Variants in DENND2B observed in about 807,000 individuals in gnomAD.
DENND2B encodes DENN domain containing 2B.
DENND2B carries 32 observed loss-of-function variants against 116.0 expected under a neutral mutation model. That is an observed-to-expected ratio of 0.28 (90% CI 0.21 to 0.37). The LOEUF is 0.37. Among genes scored for constraint, DENND2B ranks in the 10% least tolerant of loss-of-function variants. The probability of loss-of-function intolerance (pLI) is 1.00; values close to 1 mark genes in which losing one functional copy is unlikely to be tolerated. For missense variants in DENND2B, 1,276 were observed against 1,477.7 expected, an observed-to-expected ratio of 0.86 and a Z score of 2.24; for synonymous variants, 588 against 583.9, an observed-to-expected ratio of 1.01 and a Z score of -0.10.
At chr11:8,750,952 A>C (rs1565841628) in intron 1 of DENND2B, among the ~76,000 whole-genome samples, 1 of 152,172 alleles carries the variant, frequency 6.6e-6, no homozygotes, top group Non-Finnish European at 1.5e-5. Flanking sequence ...GAGTGCACCA[A>C]TCAGCACTCT....
chr11:8,789,963 A>T (rs1318954302), intron 1 of DENND2B, among the ~76,000 whole-genome samples: 2 of 152,126 alleles, frequency 1.3e-5, no homozygotes, highest in Non-Finnish European at 2.9e-5. Flanking sequence ...GTGGTCTGGT[A>T]GGCAGGACAC....
chr11:8,813,183 C>T (rs563330709), upstream of DENND2B, among the ~76,000 whole-genome samples: 5 of 152,070 alleles, frequency 3.3e-5, no homozygotes, highest in Non-Finnish European at 7.4e-5. Flanking sequence ...TTCTGATTGA[C>T]TTGAGTTTAA....
intron 1 of DENND2B, among the ~76,000 whole-genome samples, chr11:8,752,851 T>C (rs564154317): frequency 7.2e-5 from 11 of 152,214 alleles, no homozygotes; most frequent in Non-Finnish European, 1.3e-4. Context: ...GGCATGATTT[T>C]GTATGTAGAA....
upstream of DENND2B, among the ~76,000 whole-genome samples, chr11:8,813,097 A>G (rs1483434166): frequency 6.6e-6 from 1 of 152,196 alleles, no homozygotes; most frequent in East Asian, 1.9e-4. Context: ...TAGAATCTTT[A>G]ATGCAACATC....
intron 1 of DENND2B, among the ~76,000 whole-genome samples, chr11:8,888,228 A>C (rs1264645814): frequency 6.6e-6 from 1 of 152,172 alleles, no homozygotes; most frequent in African/African-American, 2.4e-5. Context: ...CCCCCATGGC[A>C]GGCAGCTGTA....
At position 8,730,572 on chromosome 11, in the gene DENND2B, T is replaced by C. The variant is rs1184235640; in HGVS notation, c.718A>G (p.Thr240Ala). The stretch of plus-strand genomic sequence containing the variant: ...GGGAGCGCCTCTCCCTCCTCCTCAG[T>C]CTCTGGGTAGGAACACTCGGAGAAG... ...RTFSECSYPE[T>A]EEEGEALPVR... The change falls in exon 3 of 20, where the codon ACT (threonine) becomes GCT (alanine). Residue 240 changes from threonine to alanine, a missense_variant. Physicochemically the swap from Thr to Ala is moderately conservative, Grantham distance 58. Transcript: ENST00000313726. This position sits in a 1 kb window ranked among gnomAD's most constrained non-coding sequence, Gnocchi z 4.1. 1 of 1,613,148 alleles carries C rather than the reference T, an allele frequency of 6.2e-7. No homozygotes were observed. Among genetic ancestry groups the C allele is most frequent in the Non-Finnish European group, 8.5e-7 (1 of 1,180,004 alleles).
chr11:8,716,887 C>T (rs1416159840), intron 5 of DENND2B, among the ~76,000 whole-genome samples: 1 of 152,230 alleles, frequency 6.6e-6, no homozygotes, highest in Non-Finnish European at 1.5e-5. Flanking sequence ...AGATGATCTG[C>T]CCACCTTGGC....
intron 1 of DENND2B, among the ~76,000 whole-genome samples, chr11:8,903,204 G>A (rs911420772): frequency 2.2e-4 from 34 of 151,932 alleles, no homozygotes; most frequent in African/African-American, 8.0e-4. Context: ...TTTTGAGACA[G>A]AGTTTCACTC....
chr11:8,835,361 T>C (rs986811820), intron 4 of DENND2B, among the ~76,000 whole-genome samples: 6 of 152,198 alleles, frequency 3.9e-5, no homozygotes, highest in Admixed American at 1.3e-4. Flanking sequence ...TCAAGAACAA[T>C]AGTGATGGCA....
intron 1 of DENND2B, among the ~76,000 whole-genome samples, chr11:8,891,338 G>A (rs567159735): frequency 1.3e-5 from 2 of 152,150 alleles, no homozygotes; most frequent in African/African-American, 4.8e-5. Context: ...TCAACTAACA[G>A]GCAAAATAAC....
intron 1 of DENND2B, among the ~76,000 whole-genome samples, chr11:8,896,102 G>A (rs956694197): frequency 1.3e-5 from 2 of 152,082 alleles, no homozygotes; most frequent in African/African-American, 4.8e-5. Flanking sequence ...TTATAATTAG[G>A]TAAACTTAGT....
At chr11:8,797,458 CTTCTTCCCCT>C (rs1201824187) in intron 1 of DENND2B, among the ~76,000 whole-genome samples, 5 of 128,424 alleles carry the variant, frequency 3.9e-5, no homozygotes, top group Non-Finnish European at 6.6e-5. Context: ...CTTCTTCCTC[CTTCTTCCCCT>C]TTCTTCCCCT....
intron 2 of DENND2B, among the ~76,000 whole-genome samples, chr11:8,731,544 G>A (rs2048128402): frequency 6.6e-6 from 1 of 152,134 alleles, no homozygotes; most frequent in Non-Finnish European, 1.5e-5. Flanking sequence ...GTGGTGTGCT[G>A]CCACATGCTT....
At chr11:8,717,203 C>T (rs1234163666) in intron 5 of DENND2B, among the ~76,000 whole-genome samples, 2 of 152,176 alleles carry the variant, frequency 1.3e-5, no homozygotes, top group Non-Finnish European at 1.5e-5. Context: ...TCTCCCCATC[C>T]ATTCCTTAAA....
In DENND2B at chr11:8,755,578, G is replaced by A. The variant is rs564703072; in HGVS notation, c.-25-4853C>T. ...TGAAACATCCCTCCAAGGTGAATAC[G>A]GCAGATGCTTCTGGAAAAAGGAAAC... On this transcript the variant is annotated intron_variant, in intron 1 of 19. Coordinates refer to ENST00000313726, the MANE Select transcript of DENND2B (RefSeq NM_213618.2). 5.9e-5 allele frequency among the ~76,000 whole-genome samples: 9 copies of A among 152,188 alleles called. No homozygotes were observed. The South Asian group carries it at 8.3e-4, about 14-fold the overall frequency.
rs555533846 is a variant in DENND2B at position 8,891,075 on chromosome 11, G to C, written c.-255-9966C>G. ...AAACTATACAAGCCAGAAAAGAGTG[G>C]GGGCCAATATTCAACATTCTTAAAG... On this transcript the variant is annotated intron_variant, in intron 1 of 22. Transcript: ENST00000534127. Among the ~76,000 whole-genome samples, 3 of 152,274 alleles carry C rather than the reference G, an allele frequency of 2.0e-5. No individual in the cohort carries two copies. The South Asian group carries it at 6.2e-4, about 32-fold the overall frequency.
intron 1 of DENND2B, among the ~76,000 whole-genome samples, chr11:8,772,629 G>C (rs1293648154): frequency 6.6e-6 from 1 of 152,076 alleles, no homozygotes; most frequent in Non-Finnish European, 1.5e-5. Flanking sequence ...GAGAGAGAAG[G>C]AAACAGAGAC....
rs1388811777 is a variant in DENND2B, at chr11:8,841,806, C to T, written c.-155-2456G>A. Among the ~76,000 whole-genome samples the T allele has an allele frequency of 3.3e-5, 5 of 152,172 alleles. No individual in the cohort carries two copies. The East Asian group carries it at 7.7e-4, about 23-fold the overall frequency. On this transcript the variant is annotated intron_variant, in intron 3 of 6. Coordinates refer to the DENND2B transcript ENST00000524757. Reference sequence around the variant, plus strand: ...GGCACAAAATTCCCTTTCCATGAAACGGAAACAGTCTGAGCAACTCCTGAT... The same window carrying T: ...GGCACAAAATTCCCTTTCCATGAAATGGAAACAGTCTGAGCAACTCCTGAT...
chr11:8,704,706 G>T (rs1197028470), intron 13 of DENND2B, among the ~76,000 whole-genome samples: 1 of 152,100 alleles, frequency 6.6e-6, no homozygotes, highest in Non-Finnish European at 1.5e-5. Flanking sequence ...TTTGACATAT[G>T]TATTTTTTTG....
Sources: gnomAD v4.1 joint callset for allele counts (sites outside exome capture counted in the v4.1 genomes callset) on GRCh38, gnomAD v4.1.1 for gene constraint, Gnocchi (gnomAD v3.1) non-coding constraint, MANE v1.5 for transcripts, NCBI Gene and HGNC (gene_info 2026-07-23, HGNC 2026-07-21) for gene names.